The following SDK1 variants were observed in gnomAD, a reference collection of about 807,000 sequenced individuals.
The protein encoded by SDK1 is protein sidekick-1.
A neutral mutation model predicts 245.5 loss-of-function variants in SDK1; 157 were observed. That is an observed-to-expected ratio of 0.64 (90% CI 0.56 to 0.73). The LOEUF (loss-of-function observed/expected upper bound fraction) is 0.73, where lower values mean the gene tolerates loss of function less well. Ranked by LOEUF, SDK1 falls within the 30% of genes least tolerant of loss-of-function variation. SDK1 has a pLI of 0.00. For missense variants in SDK1, 3,583 were observed against 3,002.3 expected, an observed-to-expected ratio of 1.19 and a Z score of -4.52; for synonymous variants, 1,647 against 1,278.5, an observed-to-expected ratio of 1.29 and a Z score of -6.15.
chr7:4,131,443 A>T (rs1054236128), intron 27 of SDK1, among the ~76,000 whole-genome samples: 2 of 152,234 alleles, frequency 1.3e-5, no homozygotes, highest in Admixed American at 6.5e-5. Context: ...ACCCCAAAAT[A>T]GGCGTCATAA....
intron 1 of SDK1, among the ~76,000 whole-genome samples, chr7:3,446,870 TCA>T (rs1264405989): frequency 6.6e-6 from 1 of 152,166 alleles, no homozygotes; most frequent in Non-Finnish European, 1.5e-5. Flanking sequence ...TTTATTCTCT[TCA>T]CAGTCTTTTT....
Position 3,373,057 on chromosome 7 carries a change from G to A in SDK1, c.298+71173G>A, listed in dbSNP as rs182702442. On this transcript the variant is annotated intron_variant, in intron 1 of 44. Coordinates refer to ENST00000404826, the MANE Select transcript of SDK1 (RefSeq NM_152744.4). ...GCTCAATATTAAGAATTATTGCTTAGTATTAAGAAATTTCCTATACGGATG... is the reference window on the plus strand; with the variant it reads ...GCTCAATATTAAGAATTATTGCTTAATATTAAGAAATTTCCTATACGGATG... Among the ~76,000 whole-genome samples, 53 of 152,344 alleles carry A rather than the reference G, an allele frequency of 3.5e-4. No homozygotes were observed. The East Asian group carries it at 9.6e-3, about 28-fold the overall frequency.
chr7:3,627,099 T>A (rs1351717838), intron 2 of SDK1, among the ~76,000 whole-genome samples: 2 of 151,994 alleles, frequency 1.3e-5, no homozygotes, highest in Non-Finnish European at 2.9e-5. Context: ...AGCTAATTCT[T>A]TTATTTTTCT....
At chr7:3,705,460 T>G (rs1784857482) in intron 4 of SDK1, among the ~76,000 whole-genome samples, 1 of 132,950 alleles carries the variant, frequency 7.5e-6, no homozygotes, top group African/African-American at 3.7e-5. Context: ...TATTTTATTT[T>G]ATTTTATTTT....
chr7:3,533,352 G>C (rs1783413167), intron 1 of SDK1, among the ~76,000 whole-genome samples: 1 of 152,188 alleles, frequency 6.6e-6, no homozygotes, highest in African/African-American at 2.4e-5. Flanking sequence ...AAAGATGAGA[G>C]GACACTGATT....
At chr7:3,415,771 A>C (rs1385540670) in intron 1 of SDK1, among the ~76,000 whole-genome samples, 5 of 151,622 alleles carry the variant, frequency 3.3e-5, no homozygotes, top group Non-Finnish European at 7.4e-5. Context: ...ATGACTGTAC[A>C]TTTCTTCGGA....
intron 1 of SDK1, among the ~76,000 whole-genome samples, chr7:3,369,716 C>A (rs1424760013): frequency 6.6e-6 from 1 of 152,152 alleles, no homozygotes; most frequent in Non-Finnish European, 1.5e-5. Context: ...TAAAATGTAA[C>A]CATTTGGAAT....
chr7:3,902,926 C>T (rs74375407), intron 5 of SDK1, among the ~76,000 whole-genome samples: 2,084 of 152,008 alleles, frequency 0.014, 25 homozygotes, highest in Non-Finnish European at 0.02. Flanking sequence ...TTTTACCACT[C>T]AACAATAAAA....
rs538593091 is a variant in SDK1 at position 3,417,982 on chromosome 7, T to G, written c.298+116098T>G. On this transcript the variant is annotated intron_variant, in intron 1 of 44. Transcript: ENST00000404826. Reference sequence around the variant, plus strand: ...TACGCAACATTGGAACCCTTACAAGTGATTTCTCTACTGAGAGCAACTTTT... The same window carrying G: ...TACGCAACATTGGAACCCTTACAAGGGATTTCTCTACTGAGAGCAACTTTT... Among the ~76,000 whole-genome samples the G allele has an allele frequency of 2.0e-5, 3 of 152,078 alleles. No homozygotes were observed. The East Asian group carries it at 5.8e-4, about 29-fold the overall frequency.
chr7:4,249,359 G>C (rs1003031973), intron 44 of SDK1, among the ~76,000 whole-genome samples: 13 of 152,184 alleles, frequency 8.5e-5, no homozygotes, highest in African/African-American at 2.9e-4. Context: ...CAGCGTGGCT[G>C]AGGTGGCAAG....
chr7:4,049,536 A>AC lies in SDK1; in HGVS notation c.2718+78dup, dbSNP rs1789285375. 78 of 1,148,836 alleles carry AC rather than the reference A, an allele frequency of 6.8e-5. 1 individual carries two copies. The South Asian group carries it at 9.7e-4, about 14-fold the overall frequency. 71.2% of individuals were successfully genotyped at this position (1,148,836 alleles called of 1,614,324 possible). A position where few individuals can be genotyped will look rare whatever the true frequency, so the allele number is the denominator to read the frequency against. ...GCCACAGCGCGACGCAGCTGGAGGC[A>AC]CCCCCTCTTGTGTATCAAGAGCTGG... On this transcript the variant is annotated intron_variant, in intron 18 of 44. Transcript: ENST00000404826.
intron 1 of SDK1, among the ~76,000 whole-genome samples, chr7:3,480,311 A>G (rs1478947464): frequency 6.6e-6 from 1 of 152,198 alleles, no homozygotes; most frequent in Non-Finnish European, 1.5e-5. Flanking sequence ...AACCTAAGGA[A>G]ATGGAGCCGC....
At chr7:3,883,699 T>TCCCTCCCC (rs1781262795) in intron 5 of SDK1, among the ~76,000 whole-genome samples, 1 of 141,902 alleles carries the variant, frequency 7.0e-6, no homozygotes, top group African/African-American at 2.6e-5. Context: ...CCTCGCTCCC[T>TCCCTCCCC]CCCTCCCTCC....
intron 4 of SDK1, among the ~76,000 whole-genome samples, chr7:3,759,187 C>T (rs542315400): frequency 6.6e-6 from 1 of 152,260 alleles, no homozygotes; most frequent in Admixed American, 6.5e-5. Context: ...ATCACTGTTT[C>T]CCAAGGGGTT....
At chr7:3,679,512 A>G (rs1784031297) in intron 4 of SDK1, among the ~76,000 whole-genome samples, 1 of 152,104 alleles carries the variant, frequency 6.6e-6, no homozygotes, top group Non-Finnish European at 1.5e-5. Flanking sequence ...GCTTGCAGTG[A>G]GCCGAGATCG....
rs149041648 is a variant in SDK1, at chr7:4,041,962, C to T, written c.2603-7386C>T. Reference sequence around the variant, plus strand: ...CTGAGTAGCTGGGACTACAGGCCCGCGCCACCACGCCCAGCTAATTTTTGT... The same window carrying T: ...CTGAGTAGCTGGGACTACAGGCCCGTGCCACCACGCCCAGCTAATTTTTGT... On this transcript the variant is annotated intron_variant, in intron 17 of 44. Coordinates refer to ENST00000404826, the MANE Select transcript of SDK1 (RefSeq NM_152744.4). Among the ~76,000 whole-genome samples, 1,117 of 134,710 alleles carry T rather than the reference C, an allele frequency of 8.3e-3. 339 individuals carry two copies. The highest frequency in any genetic ancestry group is 0.038 in the African/African-American group (1,099 of 28,936). The allele number at this position is 134,710 out of a possible 152,430, so 88.4% of individuals were successfully genotyped here.
intron 16 of SDK1, among the ~76,000 whole-genome samples, chr7:4,013,664 G>A (rs980341223): frequency 6.6e-6 from 1 of 152,228 alleles, no homozygotes; most frequent in African/African-American, 2.4e-5. Context: ...CTATTTGCCT[G>A]TCAAAACCAA....
chr7:3,347,422 C>T (rs1402184568), intron 1 of SDK1, among the ~76,000 whole-genome samples: 5 of 152,074 alleles, frequency 3.3e-5, no homozygotes, highest in Admixed American at 1.3e-4. Flanking sequence ...ATGCCTTTCC[C>T]AGAAGTACCT....
rs1788453911 is a variant in SDK1 at position 4,266,103 on chromosome 7, G to C, written c.*719G>C. The C allele has an allele frequency of 1.0e-6, 1 of 985,510 alleles. No individual in the cohort carries two copies. The highest frequency in any genetic ancestry group is 1.2e-6 in the Non-Finnish European group (1 of 829,988). The allele number at this position is 985,510 out of a possible 1,614,324, so 61.0% of individuals were successfully genotyped here. On this transcript the variant is annotated 3_prime_UTR_variant, in exon 45 of 45. Coordinates refer to ENST00000404826, the MANE Select transcript of SDK1 (RefSeq NM_152744.4). ...TTCCTTCTCACCTGACAGCGAGGGA[G>C]AGGGAAGCCTCTTAGGGCTGGAAGC... is the stretch of plus-strand genomic sequence containing the variant.
Sources: gnomAD v4.1 joint callset for allele counts (sites outside exome capture counted in the v4.1 genomes callset) on GRCh38, gnomAD v4.1.1 for gene constraint, MANE v1.5 for transcripts, NCBI Gene and HGNC (gene_info 2026-07-23, HGNC 2026-07-21) for gene names.